Variants in PRKN observed in about 807,000 individuals in gnomAD.
The protein encoded by PRKN is parkin RBR E3 ubiquitin protein ligase.
In PRKN, 56 loss-of-function variants were observed where a neutral mutation model predicts 59.5. That is an observed-to-expected ratio of 0.94 (90% CI 0.76 to 1.18). PRKN has a LOEUF of 1.18. Ranked by LOEUF, PRKN falls within the 50% of genes most tolerant of loss-of-function variation. PRKN has a pLI of 0.00. For synonymous variants in PRKN, 250 were observed against 222.1 expected (o/e 1.13, Z -1.12); for missense variants, 657 against 596.4 (o/e 1.10, Z -1.06).
chr6:162,681,358 G>A (rs1053057593), intron 1 of PRKN, among the ~76,000 whole-genome samples: 3 of 152,154 alleles, frequency 2.0e-5, no homozygotes, highest in Admixed American at 2.0e-4. Context: ...GTTGGGTGAT[G>A]AAATTGAGGC....
intron 6 of PRKN, among the ~76,000 whole-genome samples, chr6:161,967,671 G>T (rs192810645): frequency 2.0e-5 from 3 of 152,178 alleles, no homozygotes; most frequent in Non-Finnish European, 4.4e-5. Flanking sequence ...GAGGCAGAAG[G>T]CTCCGTCATC....
At chr6:162,162,662 C>A (rs1036887420) in intron 4 of PRKN, among the ~76,000 whole-genome samples, 2 of 152,070 alleles carry the variant, frequency 1.3e-5, no homozygotes, top group African/African-American at 2.4e-5. Context: ...TAAAAATACA[C>A]AAAACAAGCA....
At chr6:162,422,947 A>G (rs549020812) in intron 2 of PRKN, among the ~76,000 whole-genome samples, 115 of 129,720 alleles carry the variant, frequency 8.9e-4, no homozygotes, top group Non-Finnish European at 1.7e-3. Context: ...CTCCATCTCC[A>G]AGAGACCAAA....
intron 3 of PRKN, among the ~76,000 whole-genome samples, chr6:162,206,430 C>G (rs976564463): frequency 6.6e-6 from 1 of 152,188 alleles, no homozygotes; most frequent in African/African-American, 2.4e-5. Flanking sequence ...AGGCGTCCCC[C>G]AAGCCTTTGT....
At chr6:162,439,672 T>G (rs1216299518) in intron 2 of PRKN, among the ~76,000 whole-genome samples, 1 of 138,732 alleles carries the variant, frequency 7.2e-6, no homozygotes, top group East Asian at 2.0e-4. Context: ...ACAGTGAGAC[T>G]AACTCCCCCT....
At chr6:161,404,671 G>T (rs185964821) in intron 9 of PRKN, among the ~76,000 whole-genome samples, 8 of 152,296 alleles carry the variant, frequency 5.3e-5, no homozygotes, top group African/African-American at 1.9e-4. Context: ...TGTTCAGAAA[G>T]ACTTTTCTGC....
intron 2 of PRKN, among the ~76,000 whole-genome samples, chr6:162,422,288 T>A (rs1170847193): frequency 6.6e-6 from 1 of 152,240 alleles, no homozygotes; most frequent in African/African-American, 2.4e-5. Context: ...TATAAAAACT[T>A]CTGGTCCAAA....
At chr6:161,387,829 G>T (rs1425031967) in intron 9 of PRKN, among the ~76,000 whole-genome samples, 2 of 152,194 alleles carry the variant, frequency 1.3e-5, no homozygotes, top group Non-Finnish European at 2.9e-5. Context: ...AGATGAGGTT[G>T]TTAGGGGAGG....
At chr6:161,370,540 C>T (rs76421655) in intron 10 of PRKN, among the ~76,000 whole-genome samples, 6 of 142,188 alleles carry the variant, frequency 4.2e-5, no homozygotes, top group Admixed American at 2.2e-4. Context: ...TGCAGTGAGC[C>T]GAGATCGCGC....
intron 7 of PRKN, among the ~76,000 whole-genome samples, chr6:161,674,379 C>T (rs976173593): frequency 6.6e-6 from 1 of 152,064 alleles, no homozygotes; most frequent in Admixed American, 6.6e-5. Flanking sequence ...CACTCATCTG[C>T]ATTATCATTA....
At chr6:162,718,233 C>G (rs1416115886) in intron 1 of PRKN, among the ~76,000 whole-genome samples, 1 of 152,126 alleles carries the variant, frequency 6.6e-6, no homozygotes, top group African/African-American at 2.4e-5. Flanking sequence ...AACTTCATCT[C>G]AAATAGCATC....
chr6:162,274,168 T>TATTAATTAATTAATTAATTA lies in PRKN; in HGVS notation c.172-11404_172-11403insTAATTAATTAATTAATTAAT, dbSNP rs1448292234. 3.3e-5 allele frequency among the ~76,000 whole-genome samples: 5 copies of TATTAATTAATTAATTAATTA among 151,402 alleles called. No homozygotes were observed. The South Asian group carries it at 8.4e-4, about 25-fold the overall frequency. Reference sequence around the variant, plus strand: ...CTTCTTGTAATTTAATTAATTAATTTATTAATTTATTAATGTATTTATTTA... The same window carrying TATTAATTAATTAATTAATTA: ...CTTCTTGTAATTTAATTAATTAATTTATTAATTAATTAATTAATTAATTAATTTATTAATGTATTTATTTA... On this transcript the variant is annotated intron_variant, in intron 2 of 11. Coordinates refer to ENST00000366898, the MANE Select transcript of PRKN (RefSeq NM_004562.3).
At chr6:161,928,294 T>C (rs1418998697) in intron 6 of PRKN, among the ~76,000 whole-genome samples, 2 of 152,214 alleles carry the variant, frequency 1.3e-5, no homozygotes, top group Non-Finnish European at 2.9e-5. Flanking sequence ...ATGACACTTA[T>C]TATTAATATT....
At chr6:161,698,629 A>T (rs1372103512) in intron 7 of PRKN, among the ~76,000 whole-genome samples, 1 of 152,156 alleles carries the variant, frequency 6.6e-6, no homozygotes, top group Non-Finnish European at 1.5e-5. Flanking sequence ...AGATCAAGAC[A>T]AAAGGATAGA....
At chr6:162,516,144 C>T (rs1450477572) in intron 1 of PRKN, among the ~76,000 whole-genome samples, 1 of 152,172 alleles carries the variant, frequency 6.6e-6, no homozygotes, top group African/African-American at 2.4e-5. Context: ...CTGATCCTTC[C>T]CTCCTTCACA....
chr6:162,165,646 C>T (rs78849385), intron 4 of PRKN, among the ~76,000 whole-genome samples: 2,013 of 149,288 alleles, frequency 0.013, 269 homozygotes, highest in African/African-American at 0.047. Context: ...GCGGAGCCAC[C>T]GTAATGCTCA....
chr6:161,670,404 G>T (rs937198608), intron 7 of PRKN, among the ~76,000 whole-genome samples: 1 of 152,110 alleles, frequency 6.6e-6, no homozygotes, highest in Admixed American at 6.5e-5. Flanking sequence ...TTGTGGTTTC[G>T]GGTGGCTGCC....
At chr6:162,428,440 C>T (rs1040404577) in intron 2 of PRKN, among the ~76,000 whole-genome samples, 1 of 152,164 alleles carries the variant, frequency 6.6e-6, no homozygotes, top group African/African-American at 2.4e-5. Context: ...GATAAACAAA[C>T]TTCCTACTGG....
chr6:162,373,464 A>G (rs1428232763), intron 2 of PRKN, among the ~76,000 whole-genome samples: 2 of 152,180 alleles, frequency 1.3e-5, no homozygotes, highest in South Asian at 2.1e-4. Flanking sequence ...CAGAACCCTG[A>G]GTACTTTCTT....
Sources: allele counts gnomAD v4.1 joint callset (sites outside exome capture counted in the v4.1 genomes callset), GRCh38; gene constraint gnomAD v4.1.1; transcripts MANE v1.5; gene names NCBI Gene and HGNC (gene_info 2026-07-23, HGNC 2026-07-21).